The following HDAC4 variants were observed in gnomAD, a reference collection of about 807,000 sequenced individuals.
HDAC4 encodes histone deacetylase 4.
In HDAC4, 16 loss-of-function variants were observed where a neutral mutation model predicts 135.1. The ratio of observed to expected loss-of-function variants is 0.12; its 90% CI spans 0.08 to 0.18. The LOEUF (loss-of-function observed/expected upper bound fraction) is 0.18, where lower values mean the gene tolerates loss of function less well. Ranked by LOEUF, HDAC4 falls within the 10% of genes least tolerant of loss-of-function variation. The pLI, the probability that HDAC4 is intolerant of heterozygous loss-of-function variation, is 1.00. For missense variants in HDAC4, 1,143 were observed against 1,511.8 expected, an observed-to-expected ratio of 0.76 and a Z score of 4.05; for synonymous variants, 685 against 653.4, an observed-to-expected ratio of 1.05 and a Z score of -0.74.
At chr2:239,364,720 T>C (rs996318275) in intron 1 of HDAC4, among the ~76,000 whole-genome samples, 1 of 152,278 alleles carries the variant, frequency 6.6e-6, no homozygotes, top group African/African-American at 2.4e-5. Context: ...AAAGCCATCT[T>C]GCACCAAGAA....
chr2:239,322,774 G>C (rs1365537420), intron 2 of HDAC4, among the ~76,000 whole-genome samples: 1 of 152,080 alleles, frequency 6.6e-6, no homozygotes, highest in Non-Finnish European at 1.5e-5. Flanking sequence ...GGTAGCCTGG[G>C]TCTGTCACTC....
At chr2:239,244,407 G>A (rs1172447891) in intron 2 of HDAC4, among the ~76,000 whole-genome samples, 1 of 152,110 alleles carries the variant, frequency 6.6e-6, no homozygotes, top group African/African-American at 2.4e-5. Flanking sequence ...ACCTCCTGGA[G>A]GGCGTGGTGC....
rs1294101076 is a variant in HDAC4, at chr2:239,285,183, A to T, written c.23-48519T>A. 6.6e-6 allele frequency among the ~76,000 whole-genome samples: 1 copy of T among 152,238 alleles called. No individual in the cohort carries two copies. Among genetic ancestry groups the T allele is most frequent in the East Asian group, 1.9e-4 (1 of 5,192 alleles). The stretch of plus-strand genomic sequence containing the variant: ...AGATGGTACAGAGAAAGCGTTACAC[A>T]GTGAGAAAACAGGCAGCTGGATGAG... On this transcript the variant is annotated intron_variant, in intron 2 of 26. Coordinates refer to ENST00000543185, the MANE Select transcript of HDAC4 (RefSeq NM_001378414.1). The surrounding 1 kb of genome is among the most constrained non-coding windows in gnomAD (Gnocchi z 4.5).
intron 4 of HDAC4, among the ~76,000 whole-genome samples, chr2:239,188,695 C>T (rs1324956878): frequency 5.9e-5 from 9 of 152,250 alleles, no homozygotes; most frequent in African/African-American, 1.9e-4. Flanking sequence ...GCATGAACAA[C>T]AACAGCAGCA....
At chr2:239,249,098 G>A (rs909737206) in intron 2 of HDAC4, among the ~76,000 whole-genome samples, 24 of 152,250 alleles carry the variant, frequency 1.6e-4, no homozygotes. Context: ...GCCCTGTGAG[G>A]TGGTGGCATT....
At position 239,082,177 on chromosome 2, in the gene HDAC4, G is replaced by A. The variant is rs10168964; in HGVS notation, c.2577C>T (p.Asp859=). 21,263 of 1,614,084 alleles carry A rather than the reference G, an allele frequency of 0.013. 2,404 individuals carry two copies. The African/African-American group carries it at 0.25, about 19-fold the overall frequency. The change falls in exon 21 of 27, where the codon GAC becomes GAT. Residue 859 remains aspartate (D), a synonymous_variant. Coordinates refer to ENST00000543185, the MANE Select transcript of HDAC4 (RefSeq NM_001378414.1). The part of the protein sequence containing the change: ...GNGTQQAFYS[D]PSVLYMSLHR... ...GGAGGGACATGTACAGGACGCTGGGGTCGCTGTAGAAAGCCTGCTGGGTCC... is the reference window on the plus strand; with the variant it reads ...GGAGGGACATGTACAGGACGCTGGGATCGCTGTAGAAAGCCTGCTGGGTCC...
At chr2:239,380,238 C>T (rs142968967) in intron 1 of HDAC4, among the ~76,000 whole-genome samples, 1,980 of 152,310 alleles carry the variant, frequency 0.013, 39 homozygotes, top group African/African-American at 0.042. Context: ...CAATGGCCCG[C>T]GTCTTTGGGT....
At chr2:239,220,521 G>C (rs1284597082) in intron 3 of HDAC4, among the ~76,000 whole-genome samples, 1 of 152,204 alleles carries the variant, frequency 6.6e-6, no homozygotes, top group Non-Finnish European at 1.5e-5. Context: ...GGGACAGTTT[G>C]TGCTTGGTAG....
chr2:239,361,484 G>A (rs1265729446), intron 1 of HDAC4, among the ~76,000 whole-genome samples: 2 of 152,218 alleles, frequency 1.3e-5, no homozygotes, highest in African/African-American at 4.8e-5. Flanking sequence ...GCAGGGAACT[G>A]CTGTTGGCCC....
chr2:239,318,946 T>C (rs1347474147), intron 2 of HDAC4, among the ~76,000 whole-genome samples: 1 of 152,122 alleles, frequency 6.6e-6, no homozygotes, highest in Non-Finnish European at 1.5e-5. Context: ...AACGGATTCC[T>C]GCCAAGGAAC....
At chr2:239,395,397 G>A (rs2126123117) in intron 1 of HDAC4, among the ~76,000 whole-genome samples, 1 of 152,322 alleles carries the variant, frequency 6.6e-6, no homozygotes, top group South Asian at 2.1e-4. Context: ...GACCCCGAGG[G>A]TCAGTCCCCA....
intron 3 of HDAC4, among the ~76,000 whole-genome samples, chr2:239,231,921 C>T (rs1447367187): frequency 1.4e-5 from 2 of 147,202 alleles, no homozygotes; most frequent in East Asian, 2.0e-4. Context: ...GTGTCCTCCC[C>T]GAAGCGCCCC....
intron 11 of HDAC4, among the ~76,000 whole-genome samples, chr2:239,133,934 C>G (rs2040769053): frequency 6.6e-6 from 1 of 152,214 alleles, no homozygotes; most frequent in Admixed American, 6.5e-5. Context: ...AGAGTCGGTT[C>G]TGGGCTTCCA....
intron 22 of HDAC4, among the ~76,000 whole-genome samples, chr2:239,076,836 C>A (rs915030676): frequency 1.3e-5 from 2 of 152,186 alleles, no homozygotes; most frequent in South Asian, 2.1e-4. Flanking sequence ...AGCGTCCCCA[C>A]TGAACCCTCA....
At chr2:239,187,297 C>G (rs1463802437) in intron 4 of HDAC4, 1 of 152,480 alleles carries the variant, frequency 6.6e-6, no homozygotes, top group East Asian at 1.9e-4. Flanking sequence ...AGTCCTCGGG[C>G]TTGATGTGGG....
rs1352811639 is a variant in HDAC4 at position 239,139,503 on chromosome 2, G to A, written c.978+181C>T. 3.3e-5 allele frequency among the ~76,000 whole-genome samples: 5 copies of A among 152,250 alleles called. No individual in the cohort carries two copies. On this transcript the variant is annotated intron_variant, in intron 9 of 26. Transcript: ENST00000543185. This position sits in a 1 kb window ranked among gnomAD's most constrained non-coding sequence, Gnocchi z 5.3. ...TAATGAAAGGAGATGTCTGTGATGA[G>A]AGGAAGGCAGGAGAGTAACCTCCAA...
rs1553553373 is a variant in HDAC4, at chr2:239,197,882, T to TGC, written c.95-7807_95-7806dup. 4.4e-3 allele frequency among the ~76,000 whole-genome samples: 663 copies of TGC among 150,406 alleles called. 9 individuals are homozygous for TGC. The highest frequency in any genetic ancestry group is 0.015 in the African/African-American group (615 of 40,684). On this transcript the variant is annotated intron_variant, in intron 3 of 26. Transcript: ENST00000543185. ...GTGTGTGTGTGTGTGTGTGTGTGTG[T>TGC]GCTGAGTGTCACCCAGGCTGGACTG...
intron 2 of HDAC4, among the ~76,000 whole-genome samples, chr2:239,239,118 C>T (rs558691726): frequency 7.9e-5 from 12 of 152,284 alleles, no homozygotes; most frequent in African/African-American, 2.9e-4. Flanking sequence ...TCCACTCTGA[C>T]AATAACTGCC....
chr2:239,283,499 C>A (rs75173755), intron 2 of HDAC4, among the ~76,000 whole-genome samples: 2 of 152,302 alleles, frequency 1.3e-5, no homozygotes, highest in East Asian at 3.9e-4. Context: ...ACGCCACTGC[C>A]GGCAGAGGCT....
Sources: allele counts gnomAD v4.1 joint callset (sites outside exome capture counted in the v4.1 genomes callset), GRCh38; gene constraint gnomAD v4.1.1; non-coding constraint Gnocchi (gnomAD v3.1); transcripts MANE v1.5; gene names NCBI Gene and HGNC (gene_info 2026-07-23, HGNC 2026-07-21).